The following ZNF24 variants were observed in gnomAD, a reference collection of about 807,000 sequenced individuals.
The protein encoded by ZNF24 is retinoic acid suppression protein A.
Under a neutral mutation model 40.9 loss-of-function variants are expected in ZNF24, and 11 were observed. The observed-to-expected ratio is 0.27, with a 90% CI of 0.17 to 0.45. The LOEUF (loss-of-function observed/expected upper bound fraction) is 0.45. Ranked by LOEUF, ZNF24 falls within the 20% of genes least tolerant of loss-of-function variation. The pLI is 1.00. For missense variants in ZNF24, 293 were observed against 437.7 expected (o/e 0.67, Z 2.95); for synonymous variants, 139 against 154.7 (o/e 0.90, Z 0.75).
Position 35,337,356 on chromosome 18 carries a change from A to G in ZNF24, c.983T>C (p.Ile328Thr), listed in dbSNP as rs1446939713. The change falls in exon 4 of 4, where the codon ATC (isoleucine) becomes ACC (threonine). Residue 328 changes from isoleucine to threonine, a missense_variant. Physicochemically the swap from Ile to Thr is moderately conservative, Grantham distance 89 (BLOSUM62 -1). This residue lies in a region of ZNF24 where 59 missense variants were observed against 138.6 expected (regional missense o/e 0.43). Coordinates refer to ENST00000261332, the MANE Select transcript of ZNF24 (RefSeq NM_006965.4). ...TTCATAAGGTTTCTCCCCAGTATGG[A>G]TTCTCTGATGATTAATAAGCCCCGA... is the stretch of plus-strand genomic sequence containing the variant. ...QNSGLINHQR[I>T]HTGEKPYECV... 6.2e-7 allele frequency: 1 copy of G among 1,614,002 alleles called. No homozygotes were observed. Among genetic ancestry groups the G allele is most frequent in the Non-Finnish European group, 8.5e-7 (1 of 1,179,964 alleles).
At chr18:35,337,811 T>TA in intron 3 of ZNF24, 41 bp from the exon 4 acceptor site, 16 of 1,366,360 alleles carry the variant, frequency 1.2e-5, no homozygotes, top group South Asian at 2.9e-5. Flanking sequence ...CATTATCTAT[T>TA]AAGGGAAAAG....
Position 35,341,874 on chromosome 18 carries a change from A to G in ZNF24, c.-83-1141T>C, listed in dbSNP as rs2044971877. ...ATTCCAGCCTGGGCAACAGAGTATG[A>G]CCCTGTCTCTAAAAAATGAATTTAA... On this transcript the variant is annotated intron_variant, in intron 1 of 3. Coordinates refer to ENST00000261332, the MANE Select transcript of ZNF24 (RefSeq NM_006965.4). Among the ~76,000 whole-genome samples, 5 of 152,052 alleles carry G rather than the reference A, an allele frequency of 3.3e-5. No homozygotes were observed. In the South Asian group the frequency reaches 1.0e-3, roughly 32 times the overall value.
chr18:35,339,833 G>A lies in ZNF24; in HGVS notation c.564C>T (p.His188=), dbSNP rs1268662942. The part of the protein sequence containing the change: ...WASWELHSLR[H]CDDDGRTENG... Reference sequence around the variant, plus strand: ...ACACAGAGTTCTGGTCCTCACCACAGTGCCTTAGGGAATGGAGCTCCCAGG... The same window carrying A: ...ACACAGAGTTCTGGTCCTCACCACAATGCCTTAGGGAATGGAGCTCCCAGG... Residue 188 remains histidine (H), a synonymous_variant, in exon 3 of 4, where the codon CAC becomes CAT. Transcript: ENST00000261332. 16 of 1,601,488 alleles carry A rather than the reference G, an allele frequency of 1.0e-5. No homozygotes were observed. Among genetic ancestry groups the A allele is most frequent in the Non-Finnish European group, 1.4e-5 (16 of 1,170,144 alleles).
chr18:35,342,150 C>T (rs895013042), intron 1 of ZNF24, among the ~76,000 whole-genome samples: 1 of 151,554 alleles, frequency 6.6e-6, no homozygotes, highest in Non-Finnish European at 1.5e-5. Context: ...GAGCCAAGAT[C>T]GCGCCACTGC....
chr18:35,344,069 A>C (rs1043440328), intron 1 of ZNF24: 20 of 151,964 alleles, frequency 1.3e-4, no homozygotes, highest in African/African-American at 3.9e-4. Context: ...CCTCCGCGAG[A>C]CGCCAGGGCC....
chr18:35,339,902 T>C lies in ZNF24; in HGVS notation c.495A>G (p.Pro165=), dbSNP rs1298258500. The C allele has an allele frequency of 6.2e-7, 1 of 1,613,508 alleles. No individual in the cohort carries two copies. Among genetic ancestry groups the C allele is most frequent in the African/African-American group, 1.3e-5 (1 of 74,902 alleles). Residue 165 remains proline (P), a synonymous_variant, in exon 3 of 4, where the codon CCA becomes CCG. Transcript: ENST00000261332. ...TCTCCACAGCATCAAGCTCAGAACT[T>C]GGTAATCCCTGAGCTTCTTCTTGAG... ...MVSQEEAQGL[P]SSELDAVENQ...
At chr18:35,342,188 C>G (rs2044975561) in intron 1 of ZNF24, among the ~76,000 whole-genome samples, 1 of 148,864 alleles carries the variant, frequency 6.7e-6, no homozygotes, top group African/African-American at 2.6e-5. Flanking sequence ...GAGCGAGACT[C>G]TGTCTATAAA....
chr18:35,339,220 G>A lies in ZNF24; in HGVS notation c.568+609C>T, dbSNP rs138379075. 5.1e-4 allele frequency: 278 copies of A among 541,076 alleles called. 1 individual carries two copies. In the East Asian group the frequency reaches 7.5e-3, roughly 15 times the overall value. The allele number at this position is 541,076 out of a possible 1,614,324, so 33.5% of individuals were successfully genotyped here. Reference sequence around the variant, plus strand: ...TAATATATTGGGAAAGACTGGTCTCGTGAATTAATACAACTTTGAGCTTTT... The same window carrying A: ...TAATATATTGGGAAAGACTGGTCTCATGAATTAATACAACTTTGAGCTTTT... On this transcript the variant is annotated intron_variant, in intron 3 of 3. Coordinates refer to ENST00000261332, the MANE Select transcript of ZNF24 (RefSeq NM_006965.4).
Position 35,336,348 on chromosome 18 carries a change from CAT to C in ZNF24, c.*882_*883del, listed in dbSNP as rs1169516373. On this transcript the variant is annotated 3_prime_UTR_variant, in exon 4 of 4. Coordinates refer to ENST00000261332, the MANE Select transcript of ZNF24 (RefSeq NM_006965.4). ...AAGGCAAAATAATGATGAACTCTAT[CAT>C]CTTTTTCTAAAAGCCATGACAGACC... is the stretch of plus-strand genomic sequence containing the variant. 1 of 152,456 alleles carries C rather than the reference CAT, an allele frequency of 6.6e-6. No individual in the cohort carries two copies. Among genetic ancestry groups the C allele is most frequent in the East Asian group, 1.9e-4 (1 of 5,184 alleles). 9.4% of individuals were successfully genotyped at this position (152,456 alleles called of 1,614,324 possible). A position where few individuals can be genotyped will look rare whatever the true frequency, so the allele number is the denominator to read the frequency against.
rs1475251322 is a variant in ZNF24, at chr18:35,335,336, CATTAT to C, written c.*1891_*1895del. On this transcript the variant is annotated 3_prime_UTR_variant, in exon 4 of 4. Coordinates refer to ENST00000261332, the MANE Select transcript of ZNF24 (RefSeq NM_006965.4). ...ACATTTTCTTGTATAACTTAAAATACATTATATCATTACTACATATTTATACTTCA... is the reference window on the plus strand; with the variant it reads ...ACATTTTCTTGTATAACTTAAAATACATCATTACTACATATTTATACTTCA... 3.3e-5 allele frequency: 5 copies of C among 152,152 alleles called. No individual in the cohort carries two copies. The highest frequency in any genetic ancestry group is 1.2e-4 in the African/African-American group (5 of 41,426). The allele number at this position is 152,152 out of a possible 1,614,324, so 9.4% of individuals were successfully genotyped here.
rs774668241 is a variant in ZNF24 at position 35,337,795 on chromosome 18, ATCAT to A, written c.569-29_569-26del. Reference sequence around the variant, plus strand: ...TCTGAAATAAACAGAAAATGTAAATATCATTCATTATCTATTAAGGGAAAAGAAA... The same window carrying A: ...TCTGAAATAAACAGAAAATGTAAATATCATTATCTATTAAGGGAAAAGAAA... On this transcript the variant is annotated intron_variant, in intron 3 of 3. Coordinates refer to ENST00000261332, the MANE Select transcript of ZNF24 (RefSeq NM_006965.4). The A allele has an allele frequency of 6.6e-6, 10 of 1,512,894 alleles. No individual in the cohort carries two copies. The Admixed American group carries it at 9.1e-5, about 14-fold the overall frequency. 93.7% of individuals were successfully genotyped at this position (1,512,894 alleles called of 1,614,324 possible). A position where few individuals can be genotyped will look rare whatever the true frequency, so the allele number is the denominator to read the frequency against.
rs953499593 is a variant in ZNF24 at position 35,334,099 on chromosome 18, T to A, written c.*3133A>T. 6.6e-6 allele frequency: 1 copy of A among 152,094 alleles called. No individual in the cohort carries two copies. The highest frequency in any genetic ancestry group is 6.5e-5 in the Admixed American group (1 of 15,274). 9.4% of individuals were successfully genotyped at this position (152,094 alleles called of 1,614,324 possible). On this transcript the variant is annotated 3_prime_UTR_variant, in exon 4 of 4. Transcript: ENST00000261332. Reference sequence around the variant, plus strand: ...ACACATTATTGATTAAATAAGTATATGCCTAAATCTGGAAGAACAAACGAA... The same window carrying A: ...ACACATTATTGATTAAATAAGTATAAGCCTAAATCTGGAAGAACAAACGAA...
chr18:35,340,564 C>T lies in ZNF24; in HGVS notation c.87G>A (p.Glu29=), dbSNP rs1319184469. The change falls in exon 2 of 4, where the codon GAG becomes GAA. Residue 29 remains glutamate (E), a synonymous_variant. Transcript: ENST00000261332. The surrounding 1 kb of genome is among the most constrained non-coding windows in gnomAD (Gnocchi z 4.6). ...EEEKILRVKL[E]EDPDGEEGSS... is the part of the protein sequence containing the mutation. ...ATCCCTCTTCGCCATCAGGATCCTC[C>T]TCCAACTTCACTCTCAGAATTTTTT... is the stretch of plus-strand genomic sequence containing the variant. 13 of 1,614,214 alleles carry T rather than the reference C, an allele frequency of 8.1e-6. No homozygotes were observed. Among genetic ancestry groups the T allele is most frequent in the Non-Finnish European group, 1.1e-5 (13 of 1,180,030 alleles).
chr18:35,342,728 T>G (rs1211649578), intron 1 of ZNF24: 2 of 152,260 alleles, frequency 1.3e-5, no homozygotes, highest in African/African-American at 4.8e-5. Context: ...CTACGCCATT[T>G]AGGTTTGTGC....
chr18:35,335,053 T>C lies in ZNF24; in HGVS notation c.*2179A>G, dbSNP rs1482675997. On this transcript the variant is annotated 3_prime_UTR_variant, in exon 4 of 4. Coordinates refer to ENST00000261332, the MANE Select transcript of ZNF24 (RefSeq NM_006965.4). ...TACCACAGGGAAGCTTCCTTGTATA[T>C]AGGAACCGCATACGATCTTAAAAAG... 1.3e-5 allele frequency: 2 copies of C among 152,216 alleles called. No homozygotes were observed. The highest frequency in any genetic ancestry group is 1.9e-4 in the East Asian group (1 of 5,206). 9.4% of individuals were successfully genotyped at this position (152,216 alleles called of 1,614,324 possible).
chr18:35,338,548 T>C (rs1184741976), intron 3 of ZNF24: 5 of 986,238 alleles, frequency 5.1e-6, no homozygotes, highest in Non-Finnish European at 6.0e-6. Context: ...ATTTAAGACT[T>C]TTCTAAAACT....
Position 35,337,653 on chromosome 18 carries a change from T to C in ZNF24, c.686A>G (p.Tyr229Cys), listed in dbSNP as rs755443618. The C allele has an allele frequency of 1.7e-5, 28 of 1,613,902 alleles. No homozygotes were observed. Among genetic ancestry groups the C allele is most frequent in the Non-Finnish European group, 2.1e-5 (25 of 1,180,004 alleles). ...LNMGVPQIFK[Y>C]GETCFPKGRF... is the part of the protein sequence containing the mutation. ...GCCCTTGGGGAAACAGGTTTCTCCA[T>C]ATTTAAAAATTTGAGGAACACCCAT... Residue 229 changes from tyrosine (Y) to cysteine (C), a missense_variant, in exon 4 of 4, where the codon TAT becomes TGT. Physicochemically the swap from Tyr to Cys is radical, Grantham distance 194. This residue lies in a region of ZNF24 where 234 missense variants were observed against 299.2 expected (regional missense o/e 0.78). Coordinates refer to ENST00000261332, the MANE Select transcript of ZNF24 (RefSeq NM_006965.4).
intron 3 of ZNF24, chr18:35,338,578 GA>G: frequency 1.0e-6 from 1 of 987,922 alleles, no homozygotes; most frequent in Non-Finnish European, 1.2e-6. Flanking sequence ...AAGGAGTAAA[GA>G]TCCAGTTCAT....
rs1331950931 is a variant in ZNF24 at position 35,336,423 on chromosome 18, A to T, written c.*809T>A. 1.3e-5 allele frequency: 2 copies of T among 152,116 alleles called. No homozygotes were observed. Among genetic ancestry groups the T allele is most frequent in the African/African-American group, 4.8e-5 (2 of 41,396 alleles). 9.4% of individuals were successfully genotyped at this position (152,116 alleles called of 1,614,324 possible). ...CCTTCAACACTGCCATCCGCTACAAATTTTTCCCTAGTGTTATAATTTCTA... is the reference window on the plus strand; with the variant it reads ...CCTTCAACACTGCCATCCGCTACAATTTTTTCCCTAGTGTTATAATTTCTA... On this transcript the variant is annotated 3_prime_UTR_variant, in exon 4 of 4. Transcript: ENST00000261332.
Sources: gnomAD v4.1 joint callset for allele counts (sites outside exome capture counted in the v4.1 genomes callset) on GRCh38, gnomAD v4.1.1 for gene constraint, gnomAD v4.1.1 regional missense constraint, Gnocchi (gnomAD v3.1) non-coding constraint, MANE v1.5 for transcripts, NCBI Gene and HGNC (gene_info 2026-07-23, HGNC 2026-07-21) for gene names.